BUB1: variants seen among roughly 807,000 people sequenced by gnomAD.
BUB1 encodes the protein BUB1 mitotic checkpoint serine/threonine kinase, also known as mitotic checkpoint serine/threonine-protein kinase BUB1.
In BUB1, 84 loss-of-function variants were observed where a neutral mutation model predicts 135.2. That is an observed-to-expected ratio of 0.62 (90% CI 0.52 to 0.74). BUB1 has a LOEUF of 0.74. Ranked by LOEUF, BUB1 falls within the 30% of genes least tolerant of loss-of-function variation. BUB1 has a pLI of 0.00. For missense variants in BUB1, 1,162 were observed against 1,288.3 expected, an observed-to-expected ratio of 0.90 and a Z score of 1.50; for synonymous variants, 403 against 434.4, an observed-to-expected ratio of 0.93 and a Z score of 0.90.
chr2:110,660,741 G>A (rs1029592261), intron 10 of BUB1: 3 of 152,426 alleles, frequency 2.0e-5, no homozygotes, highest in South Asian at 2.1e-4. Flanking sequence ...GAGTCAGGAC[G>A]TGGAGAAGCA....
intron 1 of BUB1, chr2:110,674,795 T>A: frequency 9.2e-6 from 2 of 218,508 alleles, no homozygotes; most frequent in South Asian, 1.3e-4. Flanking sequence ...CTCAGACCTC[T>A]GCCCTTCCAG....
intron 9 of BUB1, among the ~76,000 whole-genome samples, chr2:110,665,760 T>A (rs571464337): frequency 1.3e-5 from 2 of 152,302 alleles, no homozygotes; most frequent in South Asian, 4.1e-4. Context: ...CATCGTATCC[T>A]ATGTCATAGA....
chr2:110,650,539 T>A lies in BUB1; in HGVS notation c.2203+7A>T, dbSNP rs748738807. 1.9e-6 allele frequency: 3 copies of A among 1,611,546 alleles called. No homozygotes were observed. ...TCAAGGGCATAACAAAGAGTGAGTG[T>A]TCGTACTTGGAGCATCAACAGTCCC... On this transcript the variant is annotated splice_region_variant and intron_variant, in intron 18 of 24. Coordinates refer to ENST00000302759, the MANE Select transcript of BUB1 (RefSeq NM_004336.5).
chr2:110,639,290 G>C (rs1302702432), intron 24 of BUB1, among the ~76,000 whole-genome samples: 1 of 150,216 alleles, frequency 6.7e-6, no homozygotes, highest in African/African-American at 2.5e-5. Context: ...CTGTGAGAGA[G>C]AGCTATTCAT....
chr2:110,661,534 C>G (rs1206748215), intron 10 of BUB1, 48 bp downstream of exon 10: 1 of 1,585,318 alleles, frequency 6.3e-7, no homozygotes, highest in East Asian at 2.2e-5. Flanking sequence ...AAGAAGGTGA[C>G]AGGTGCCACT....
In BUB1 at chr2:110,653,530, G is replaced by C; in HGVS notation, c.1877-7C>G. ...TGTTTTGCTACCACATTTTCTGAAA[G>C]ATTCAAAAATTAGAGACAAGATATG... On this transcript the variant is annotated splice_polypyrimidine_tract_variant and splice_region_variant and intron_variant, in intron 16 of 24. Transcript: ENST00000302759. The C allele has an allele frequency of 6.2e-7, 1 of 1,612,572 alleles. No homozygotes were observed. Among genetic ancestry groups the C allele is most frequent in the Non-Finnish European group, 8.5e-7 (1 of 1,178,774 alleles).
chr2:110,675,716 A>G (rs1466826898), intron 1 of BUB1, among the ~76,000 whole-genome samples: 2 of 152,132 alleles, frequency 1.3e-5, no homozygotes, highest in African/African-American at 4.8e-5. Flanking sequence ...CAACAGTGCA[A>G]TCATGGCTCG....
intron 1 of BUB1, among the ~76,000 whole-genome samples, chr2:110,677,501 T>C (rs1690623067): frequency 6.6e-6 from 1 of 152,204 alleles, no homozygotes; most frequent in African/African-American, 2.4e-5. Context: ...AATTTTTTTT[T>C]CTTAAAGTAC....
At chr2:110,647,967 A>G (rs573595364) in intron 19 of BUB1, among the ~76,000 whole-genome samples, 1 of 152,294 alleles carries the variant, frequency 6.6e-6, no homozygotes, top group South Asian at 2.1e-4. Flanking sequence ...TAAATGGTAC[A>G]GTCACTTTGG....
chr2:110,676,932 A>G (rs1430161867), intron 1 of BUB1, among the ~76,000 whole-genome samples: 11 of 151,982 alleles, frequency 7.2e-5, no homozygotes, highest in Non-Finnish European at 1.3e-4. Context: ...ACTAAAAAAA[A>G]TAATAATTCT....
chr2:110,669,679 T>G, intron 5 of BUB1, 126 bp from the exon 6 acceptor site: 2 of 587,258 alleles, frequency 3.4e-6, no homozygotes, highest in Non-Finnish European at 6.0e-6. Flanking sequence ...TCATTCACAC[T>G]GTCTCAGAAA....
At chr2:110,639,914 T>C (rs1474379863) in intron 23 of BUB1, 66 bp from the exon 24 acceptor site, 1 of 1,306,716 alleles carries the variant, frequency 7.7e-7, no homozygotes, top group South Asian at 1.2e-5. Flanking sequence ...TCAAGATGCC[T>C]GTCTAACTTA....
Position 110,655,849 on chromosome 2 carries a change from G to A in BUB1, c.1766C>T (p.Thr589Ile), listed in dbSNP as rs763687861. 1 of 1,613,972 alleles carries A rather than the reference G, an allele frequency of 6.2e-7. No homozygotes were observed. Among genetic ancestry groups the A allele is most frequent in the Admixed American group, 1.7e-5 (1 of 60,000 alleles). The change falls in exon 16 of 25, where the codon ACC becomes ATC. Residue 589 changes from threonine to isoleucine, a missense_variant. Thr to Ile is a moderately conservative substitution (Grantham distance 89). Coordinates refer to ENST00000302759, the MANE Select transcript of BUB1 (RefSeq NM_004336.5). Reference protein sequence around the residue: ...STVWGIRCNKTLAPSPKSPGD... With the variant: ...STVWGIRCNKILAPSPKSPGD... ...TGGGCTCTTAGGACTGGGTGCCAGG[G>A]TTTTGTTGCAGCGAATACCCCATAC...
Position 110,664,318 on chromosome 2 carries a change from T to C in BUB1, c.957+1945A>G, listed in dbSNP as rs577702697. Among the ~76,000 whole-genome samples the C allele has an allele frequency of 6.6e-5, 10 of 151,838 alleles. No individual in the cohort carries two copies. The East Asian group carries it at 1.4e-3, about 21-fold the overall frequency. ...TATGTCACAATACAGCAGGGAAAAA[T>C]GATTCTACACCCCTCTAGAGAAAAA... On this transcript the variant is annotated intron_variant, in intron 9 of 24. Coordinates refer to ENST00000302759, the MANE Select transcript of BUB1 (RefSeq NM_004336.5).
chr2:110,661,727 C>A lies in BUB1; in HGVS notation c.1072G>T (p.Ala358Ser). The A allele has an allele frequency of 6.2e-7, 1 of 1,614,208 alleles. No homozygotes were observed. Among genetic ancestry groups the A allele is most frequent in the Non-Finnish European group, 8.5e-7 (1 of 1,180,038 alleles). ...GCCAAAGGAGGAACAACAGGAGGTG[C>A]CTCTCTTGGGTTCTTTTCCATGTTC... ...PVNMEKNPREAPPVVPPLANA... is the reference protein window; with the variant it reads ...PVNMEKNPRESPPVVPPLANA... Residue 358 changes from alanine (A) to serine (S), a missense_variant, in exon 10 of 25, where the codon GCA becomes TCA. Coordinates refer to ENST00000302759, the MANE Select transcript of BUB1 (RefSeq NM_004336.5).
chr2:110,645,396 T>C (rs529330115), intron 19 of BUB1, among the ~76,000 whole-genome samples: 1 of 149,834 alleles, frequency 6.7e-6, no homozygotes, highest in South Asian at 2.1e-4. Flanking sequence ...ATCATAGTAC[T>C]ACGGCACTAC....
intron 9 of BUB1, among the ~76,000 whole-genome samples, chr2:110,664,420 T>C (rs1574330277): frequency 6.6e-6 from 1 of 152,036 alleles, no homozygotes; most frequent in Non-Finnish European, 1.5e-5. Context: ...CAAAAAACAA[T>C]GAAGGAGTGT....
chr2:110,669,987 T>C (rs1690372840), intron 5 of BUB1, among the ~76,000 whole-genome samples: 1 of 152,144 alleles, frequency 6.6e-6, no homozygotes, highest in South Asian at 2.1e-4. Flanking sequence ...ATTATCAATT[T>C]TTTTTTTGCA....
Position 110,641,087 on chromosome 2 carries a change from T to C in BUB1, c.2902A>G (p.Thr968Ala). Residue 968 changes from threonine (T) to alanine (A), a missense_variant, in exon 23 of 25, where the codon ACA becomes GCA. By Grantham distance (58) the Thr-to-Ala change is moderately conservative. Transcript: ENST00000302759. ...KGTIFTAKCE[T>A]SGFQCVEMLS... ...ATCTCAACACACTGAAAACCAGATG[T>C]TTCACACTTTGCTGTGAATATAGTT... The C allele has an allele frequency of 6.2e-7, 1 of 1,611,990 alleles. No individual in the cohort carries two copies. Among genetic ancestry groups the C allele is most frequent in the East Asian group, 2.2e-5 (1 of 44,858 alleles).
Sources: allele counts gnomAD v4.1 joint callset (sites outside exome capture counted in the v4.1 genomes callset), GRCh38; gene constraint gnomAD v4.1.1; transcripts MANE v1.5; gene names NCBI Gene and HGNC (gene_info 2026-07-23, HGNC 2026-07-21).